Variants in TMEM134 observed in about 807,000 individuals in gnomAD.
TMEM134 encodes transmembrane protein 134.
TMEM134 carries 36 observed loss-of-function variants against 26.2 expected under a neutral mutation model. That is an observed-to-expected ratio of 1.37 (90% CI 1.05 to 1.81). The LOEUF (loss-of-function observed/expected upper bound fraction) is 1.81, where lower values mean the gene tolerates loss of function less well. TMEM134 is among the 40% of genes most tolerant of loss of function. The pLI is 0.00. For missense variants in TMEM134, 339 were observed against 263.5 expected (o/e 1.29, Z -1.98); for synonymous variants, 133 against 113.6 (o/e 1.17, Z -1.08).
At position 67,469,243 on chromosome 11, in the gene TMEM134, C is replaced by T. The variant is rs1865512050; in HGVS notation, c.-51G>A. The T allele has an allele frequency of 1.6e-6, 2 of 1,228,898 alleles. No individual in the cohort carries two copies. The highest frequency in any genetic ancestry group is 2.0e-6 in the Non-Finnish European group (2 of 982,210). 76.1% of individuals were successfully genotyped at this position (1,228,898 alleles called of 1,614,324 possible). ...CGCCGCCGCCATCTGCGCCCACACACCCAGCGTCGCCGCTGCCCCGCCCCC... is the reference window on the plus strand; with the variant it reads ...CGCCGCCGCCATCTGCGCCCACACATCCAGCGTCGCCGCTGCCCCGCCCCC... On this transcript the variant is annotated 5_prime_UTR_variant, in exon 1 of 7. In the 5' UTR this introduces an upstream ATG that the reference lacks. Coordinates refer to ENST00000308022, the MANE Select transcript of TMEM134 (RefSeq NM_025124.4).
rs775397001 is a variant in TMEM134, at chr11:67,468,019, G to T, written c.239+9C>A. 2 of 1,554,066 alleles carry T rather than the reference G, an allele frequency of 1.3e-6. No individual in the cohort carries two copies. Among genetic ancestry groups the T allele is most frequent in the Admixed American group, 3.9e-5 (2 of 51,394 alleles). On this transcript the variant is annotated intron_variant, in intron 2 of 6. Coordinates refer to ENST00000308022, the MANE Select transcript of TMEM134 (RefSeq NM_025124.4). ...GGGGTACAGGGTTGGGTCCCCACCTGGCCCTAACCTGGTGCCGACTCCCCC... is the reference window on the plus strand; with the variant it reads ...GGGGTACAGGGTTGGGTCCCCACCTTGCCCTAACCTGGTGCCGACTCCCCC...
At chr11:67,468,747 T>C (rs1051614007) in intron 1 of TMEM134, among the ~76,000 whole-genome samples, 1 of 151,956 alleles carries the variant, frequency 6.6e-6, no homozygotes, top group Non-Finnish European at 1.5e-5. Flanking sequence ...CCAGGATGAG[T>C]GGGGAATCCG....
intron 4 of TMEM134, chr11:67,465,354 G>T: frequency 9.8e-7 from 1 of 1,017,226 alleles, no homozygotes; most frequent in Non-Finnish European, 1.3e-6. Flanking sequence ...AACACCTACT[G>T]CGTGCCTGGT....
chr11:67,461,742 GT>G lies in TMEM134; in HGVS notation c.*2871del, dbSNP rs1865022689. 1 of 152,028 alleles carries G rather than the reference GT, an allele frequency of 6.6e-6. No individual in the cohort carries two copies. Among genetic ancestry groups the G allele is most frequent in the South Asian group, 2.1e-4 (1 of 4,824 alleles). The allele number at this position is 152,028 out of a possible 1,614,324, so 9.4% of individuals were successfully genotyped here. ...ATATCAGAAATTTTAATAAATAACA[GT>G]AAAACTTCATTTATTGACATGGAAA... On this transcript the variant is annotated 3_prime_UTR_variant, in exon 7 of 7. Transcript: ENST00000308022.
In TMEM134 at chr11:67,464,839, A is replaced by T. The variant is rs746644447; in HGVS notation, c.469T>A (p.Phe157Ile). The T allele has an allele frequency of 1.3e-5, 21 of 1,610,444 alleles. No homozygotes were observed. In the Admixed American group the frequency reaches 2.3e-4, roughly 18 times the overall value. ...TPSPGVSSAI[F>I]FVPGFLLLVP... ...AACAACAGGAAGCCCGGCACGAAGAAGATGGCGCTGGAGACACCTGCGGGA... is the reference window on the plus strand; with the variant it reads ...AACAACAGGAAGCCCGGCACGAAGATGATGGCGCTGGAGACACCTGCGGGA... Residue 157 changes from phenylalanine (F) to isoleucine (I), a missense_variant, in exon 6 of 7, where the codon TTC becomes ATC. Phe to Ile is a conservative substitution (Grantham distance 21). Coordinates refer to ENST00000308022, the MANE Select transcript of TMEM134 (RefSeq NM_025124.4).
At chr11:67,465,398 C>CGGG in intron 4 of TMEM134, 1 of 537,786 alleles carries the variant, frequency 1.9e-6, no homozygotes, top group East Asian at 5.7e-5. Flanking sequence ...CAGATAAGGT[C>CGGG]CCTGCCCTCA....
rs1221541527 is a variant in TMEM134, at chr11:67,463,777, G to T, written c.*837C>A. 3 of 152,168 alleles carry T rather than the reference G, an allele frequency of 2.0e-5. No individual in the cohort carries two copies. The highest frequency in any genetic ancestry group is 2.4e-5 in the African/African-American group (1 of 41,430). 9.4% of individuals were successfully genotyped at this position (152,168 alleles called of 1,614,324 possible). On this transcript the variant is annotated 3_prime_UTR_variant, in exon 7 of 7. Transcript: ENST00000308022. ...TCTCAAAGATTCTGTTTCTTGTTTC[G>T]TAAGATTCTGAAATGCTGATGTTCC...
Position 67,461,880 on chromosome 11 carries a change from G to A in TMEM134, c.*2734C>T, listed in dbSNP as rs1006706780. The A allele has an allele frequency of 7.2e-5, 11 of 152,040 alleles. No individual in the cohort carries two copies. The highest frequency in any genetic ancestry group is 2.7e-4 in the African/African-American group (11 of 41,376). The allele number at this position is 152,040 out of a possible 1,614,324, so 9.4% of individuals were successfully genotyped here. A position where few individuals can be genotyped will look rare whatever the true frequency, so the allele number is the denominator to read the frequency against. On this transcript the variant is annotated 3_prime_UTR_variant, in exon 7 of 7. Transcript: ENST00000308022. ...GGACTATACCTTGCTGATTCCTAAC[G>A]CAGACTTCTAATGATGGGAATCACC...
chr11:67,466,241 TG>T (rs1434840257), intron 4 of TMEM134: 2 of 152,184 alleles, frequency 1.3e-5, no homozygotes, highest in African/African-American at 4.8e-5. Flanking sequence ...CCAGCTACTC[TG>T]GAGGCTAAGG....
rs1565172232 is a variant in TMEM134, at chr11:67,467,376, G to A, written c.342C>T (p.His114=). The change falls in exon 4 of 7, where the codon CAC becomes CAT. Residue 114 remains histidine (H), a synonymous_variant. Transcript: ENST00000308022. The stretch of plus-strand genomic sequence containing the variant: ...CTCGGCGGTTCTTCTGGATCAAAGG[G>A]TGTTGGGTCCAGCTGGGTGGCAGGA... ...SYNTCCSWTQ[H]PLIQKNRRVV... is the part of the protein sequence containing the mutation. 1.2e-6 allele frequency: 2 copies of A among 1,613,924 alleles called. No homozygotes were observed. Among genetic ancestry groups the A allele is most frequent in the Admixed American group, 3.3e-5 (2 of 60,016 alleles).
chr11:67,467,769 G>C, intron 2 of TMEM134, 179 bp from the exon 3 acceptor site: 1 of 688,574 alleles, frequency 1.5e-6, no homozygotes, highest in Non-Finnish European at 2.5e-6. Flanking sequence ...TGAGCTAGGG[G>C]ATTCTGTAGG....
At chr11:67,467,684 A>G in intron 2 of TMEM134, 94 bp from the exon 3 acceptor site, 1 of 1,287,456 alleles carries the variant, frequency 7.8e-7, no homozygotes, top group Non-Finnish European at 1.1e-6. Context: ...TGGTGCAGGG[A>G]CTGGGGCTGG....
chr11:67,467,989 G>T, intron 2 of TMEM134, 39 bp downstream of exon 2: 2 of 1,544,052 alleles, frequency 1.3e-6, no homozygotes, highest in East Asian at 4.9e-5. Flanking sequence ...ATAGGAGCTG[G>T]GGCTGGGGTA....
At position 67,467,560 on chromosome 11, in the gene TMEM134, G is replaced by A; in HGVS notation, c.270C>T (p.Ser90=). Residue 90 remains serine (S), a synonymous_variant, in exon 3 of 7, where the codon TCC becomes TCT. Coordinates refer to ENST00000308022, the MANE Select transcript of TMEM134 (RefSeq NM_025124.4). ...TGCTGATGGTGCTGAAGGACCACTG[G>A]GAGCTGCGGATGGAAGTTCGGCTGG... ...RDSSRTSIRS[S]QWSFSTISSS... is the part of the protein sequence containing the mutation. 6.2e-7 allele frequency: 1 copy of A among 1,614,122 alleles called. No individual in the cohort carries two copies. The highest frequency in any genetic ancestry group is 8.5e-7 in the Non-Finnish European group (1 of 1,180,034).
At chr11:67,467,267 C>T in intron 4 of TMEM134, 45 bp downstream of exon 4, 1 of 1,585,698 alleles carries the variant, frequency 6.3e-7, no homozygotes, top group Non-Finnish European at 8.6e-7. Context: ...GAGGGCAGAG[C>T]CTCCCACGGG....
rs1250512061 is a variant in TMEM134, at chr11:67,462,029, G to A, written c.*2585C>T. The A allele has an allele frequency of 1.3e-5, 2 of 151,926 alleles. No homozygotes were observed. Among genetic ancestry groups the A allele is most frequent in the Non-Finnish European group, 2.9e-5 (2 of 68,002 alleles). 9.4% of individuals were successfully genotyped at this position (151,926 alleles called of 1,614,324 possible). ...CTACTAAAAATACAAAGATTAGCTG[G>A]GCATGGTGGCATGTGCCTGTAGTCG... On this transcript the variant is annotated 3_prime_UTR_variant, in exon 7 of 7. Coordinates refer to ENST00000308022, the MANE Select transcript of TMEM134 (RefSeq NM_025124.4).
In TMEM134 at chr11:67,464,695, G is replaced by C; in HGVS notation, c.507C>G (p.Val169=). 2 of 1,552,730 alleles carry C rather than the reference G, an allele frequency of 1.3e-6. No individual in the cohort carries two copies. Among genetic ancestry groups the C allele is most frequent in the African/African-American group, 1.4e-5 (1 of 73,352 alleles). ...CGCAGTAGATGAAGATCACGTGATA[G>C]ACTGCGGGGCGGGGCCTGTCAGCGC... The part of the protein sequence containing the change: ...VPGFLLLVPG[V]YHVIFIYCAV... Residue 169 remains valine, a splice_region_variant and synonymous_variant, in exon 7 of 7, where the codon GTC becomes GTG. Transcript: ENST00000308022.
chr11:67,464,881 C>G, intron 5 of TMEM134, 25 bp from the exon 6 acceptor site: 1 of 1,608,844 alleles, frequency 6.2e-7, no homozygotes, highest in Non-Finnish European at 8.5e-7. Flanking sequence ...AGAGCCCGGT[C>G]AGGGCGAGGG....
rs965240372 is a variant in TMEM134, at chr11:67,464,340, G to T, written c.*274C>A. On this transcript the variant is annotated 3_prime_UTR_variant, in exon 7 of 7. Coordinates refer to ENST00000308022, the MANE Select transcript of TMEM134 (RefSeq NM_025124.4). ...TGGGCTAGCAGTGGCAGGACAGGAG[G>T]AGAGCAATTGCCTCTGGTGGAATTA... 2.1e-4 allele frequency: 111 copies of T among 529,852 alleles called. No homozygotes were observed. Among genetic ancestry groups the T allele is most frequent in the South Asian group, 3.3e-4 (16 of 48,948 alleles). 32.8% of individuals were successfully genotyped at this position (529,852 alleles called of 1,614,324 possible).
Sources: gnomAD v4.1 joint callset for allele counts (sites outside exome capture counted in the v4.1 genomes callset) on GRCh38, gnomAD v4.1.1 for gene constraint, MANE v1.5 for transcripts, NCBI Gene and HGNC (gene_info 2026-07-23, HGNC 2026-07-21) for gene names.